Variants in KMT2A observed in about 807,000 individuals in gnomAD.
KMT2A encodes histone-lysine N-methyltransferase 2A.
Under a neutral mutation model 345.3 loss-of-function variants are expected in KMT2A, and 16 were observed. That is an observed-to-expected ratio of 0.05 (90% CI 0.03 to 0.07). The LOEUF is 0.07. Ranked by LOEUF, KMT2A falls within the 10% of genes least tolerant of loss-of-function variation. The pLI, the probability that KMT2A is intolerant of heterozygous loss-of-function variation, is 1.00. For missense variants in KMT2A, 3,272 were observed against 4,841.6 expected (o/e 0.68, Z 9.62); for synonymous variants, 1,599 against 1,778.6 (o/e 0.90, Z 2.54).
chr11:118,475,851 T>C (rs1197309767), intron 3 of KMT2A, among the ~76,000 whole-genome samples: 1 of 152,246 alleles, frequency 6.6e-6, no homozygotes, highest in African/African-American at 2.4e-5. Context: ...TGGATGTTTT[T>C]GTGATAGGAG....
intron 28 of KMT2A, chr11:118,507,876 G>A: frequency 3.0e-6 from 1 of 338,662 alleles, no homozygotes; most frequent in African/African-American, 2.1e-5. Context: ...GGCAGGAGAA[G>A]GGCGTGAACC....
chr11:118,519,818 A>T (rs1430679374), intron 32 of KMT2A, 26 bp downstream of exon 32: 1 of 1,604,650 alleles, frequency 6.2e-7, no homozygotes, highest in Non-Finnish European at 8.5e-7. Context: ...TTCTGTCAGC[A>T]GTTTTGGGTC....
At chr11:118,479,881 C>T (rs1555038728) in intron 5 of KMT2A, among the ~76,000 whole-genome samples, 1 of 152,142 alleles carries the variant, frequency 6.6e-6, no homozygotes, top group African/African-American at 2.4e-5. Flanking sequence ...ACAAGAAATA[C>T]TGACTGATCA....
chr11:118,444,532 G>A (rs1949377817), intron 1 of KMT2A, among the ~76,000 whole-genome samples: 1 of 152,182 alleles, frequency 6.6e-6, no homozygotes, highest in Non-Finnish European at 1.5e-5. Context: ...TAAACTGCCT[G>A]AGTTCAAATC....
At chr11:118,492,249 G>A (rs1950335730) in intron 15 of KMT2A, among the ~76,000 whole-genome samples, 1 of 152,226 alleles carries the variant, frequency 6.6e-6, no homozygotes, top group African/African-American at 2.4e-5. Context: ...TTCTGACTGA[G>A]TGGAGAGGAA....
In KMT2A at chr11:118,502,742, G is replaced by T. The variant is rs1447874882; in HGVS notation, c.6850G>T (p.Asp2284Tyr). The change falls in exon 27 of 36, where the codon GAT (aspartate) becomes TAT (tyrosine). Residue 2284 changes from aspartate to tyrosine, a missense_variant. This residue lies in a region of KMT2A where 445 missense variants were observed against 500.9 expected (regional missense o/e 0.89). Coordinates refer to ENST00000534358, the MANE Select transcript of KMT2A (RefSeq NM_001197104.2). This position sits in a 1 kb window ranked among gnomAD's most constrained non-coding sequence, Gnocchi z 4.9. ...TGTAGGCAATAAAAACAGTCACTTG[G>T]ATGGATCTTCATCTTCAGAAATGAA... ...VTVGNKNSHL[D>Y]GSSSSEMKQS... The T allele has an allele frequency of 2.5e-6, 4 of 1,614,120 alleles. No individual in the cohort carries two copies. Among genetic ancestry groups the T allele is most frequent in the African/African-American group, 1.3e-5 (1 of 75,036 alleles).
intron 1 of KMT2A, among the ~76,000 whole-genome samples, chr11:118,461,536 G>A (rs991076682): frequency 2.5e-4 from 38 of 152,176 alleles, no homozygotes; most frequent in African/African-American, 8.4e-4. Flanking sequence ...AAGGACATCA[G>A]TGTCAGCAAG....
intron 2 of KMT2A, among the ~76,000 whole-genome samples, chr11:118,469,776 G>A (rs782585423): frequency 1.3e-5 from 2 of 152,182 alleles, no homozygotes; most frequent in Admixed American, 1.3e-4. Flanking sequence ...CTTGTGATGT[G>A]TGCTAGCATT....
At chr11:118,467,451 C>G (rs1349426268) in intron 1 of KMT2A, among the ~76,000 whole-genome samples, 1 of 152,014 alleles carries the variant, frequency 6.6e-6, no homozygotes, top group Non-Finnish European at 1.5e-5. Flanking sequence ...CTTAAATAGT[C>G]CAATACTTTA....
rs1950674076 is a variant in KMT2A at position 118,510,896 on chromosome 11, A to C, written c.11071+778A>C. Among the ~76,000 whole-genome samples the C allele has an allele frequency of 6.6e-6, 1 of 152,222 alleles. No homozygotes were observed. The highest frequency in any genetic ancestry group is 1.5e-5 in the Non-Finnish European group (1 of 68,030). On this transcript the variant is annotated intron_variant, in intron 30 of 35. Coordinates refer to ENST00000534358, the MANE Select transcript of KMT2A (RefSeq NM_001197104.2). This position sits in a 1 kb window ranked among gnomAD's most constrained non-coding sequence, Gnocchi z 4.1. ...TGGAATTTGGGTTAGGCAAAGAAGA[A>C]TGCAGGGCTCTCTAGGAAGAAGAAG... is the stretch of plus-strand genomic sequence containing the variant.
rs782088770 is a variant in KMT2A at position 118,522,089 on chromosome 11, G to A, written c.11836G>A (p.Asp3946Asn). 2.5e-6 allele frequency: 4 copies of A among 1,614,214 alleles called. No homozygotes were observed. Among genetic ancestry groups the A allele is most frequent in the South Asian group, 1.1e-5 (1 of 91,082 alleles). Residue 3946 changes from aspartate (D) to asparagine (N), a missense_variant, in exon 36 of 36, where the codon GAC becomes AAC. Physicochemically the swap from Asp to Asn is conservative, Grantham distance 23. This residue lies in a region of KMT2A where 78 missense variants were observed against 254.5 expected (regional missense o/e 0.31). Coordinates refer to ENST00000534358, the MANE Select transcript of KMT2A (RefSeq NM_001197104.2). This position sits in a 1 kb window ranked among gnomAD's most constrained non-coding sequence, Gnocchi z 5.4. ...KIYRGEELTY[D>N]YKFPIEDASN... ...CTACCGAGGAGAGGAACTCACTTAC[G>A]ACTATAAGTTCCCCATTGAGGATGC...
Position 118,498,198 on chromosome 11 carries a change from A to G in KMT2A, c.5802+125A>G. 8.6e-7 allele frequency: 1 copy of G among 1,163,650 alleles called. No homozygotes were observed. The highest frequency in any genetic ancestry group is 1.2e-6 in the Non-Finnish European group (1 of 810,616). The allele number at this position is 1,163,650 out of a possible 1,614,324, so 72.1% of individuals were successfully genotyped here. A position where few individuals can be genotyped will look rare whatever the true frequency, so the allele number is the denominator to read the frequency against. ...CCATCAGGGTAGTTAGCCAACAAGTATTGATATACATAATTCAACAGATAA... is the reference window on the plus strand; with the variant it reads ...CCATCAGGGTAGTTAGCCAACAAGTGTTGATATACATAATTCAACAGATAA... On this transcript the variant is annotated intron_variant, in intron 21 of 35. Coordinates refer to ENST00000534358, the MANE Select transcript of KMT2A (RefSeq NM_001197104.2). This position sits in a 1 kb window ranked among gnomAD's most constrained non-coding sequence, Gnocchi z 4.4.
Position 118,498,022 on chromosome 11 carries a change from T to C in KMT2A, c.5751T>C (p.Asp1917=). ...ALWSAEVFED[D]DGSLKNVHMA... is the part of the protein sequence containing the mutation. Reference sequence around the variant, plus strand: ...GGTCAGCGGAAGTGTTTGAAGATGATGACGGATCACTAAAGAATGTGCATA... The same window carrying C: ...GGTCAGCGGAAGTGTTTGAAGATGACGACGGATCACTAAAGAATGTGCATA... Residue 1917 remains aspartate (D), a synonymous_variant, in exon 21 of 36, where the codon GAT becomes GAC. Coordinates refer to ENST00000534358, the MANE Select transcript of KMT2A (RefSeq NM_001197104.2). The surrounding 1 kb of genome is among the most constrained non-coding windows in gnomAD (Gnocchi z 4.4). 1 of 1,614,150 alleles carries C rather than the reference T, an allele frequency of 6.2e-7. No homozygotes were observed. The highest frequency in any genetic ancestry group is 8.5e-7 in the Non-Finnish European group (1 of 1,180,018).
rs1555043102 is a variant in KMT2A at position 118,493,223 on chromosome 11, C to G, written c.5171C>G (p.Thr1724Arg). ...VKRKMDQGNY[T>R]SVLEFSDDIV... is the part of the protein sequence containing the mutation. ...AGGAAGATGGACCAAGGGAATTACACATCTGTGGTATGTTTCTACAGTGAG... is the reference window on the plus strand; with the variant it reads ...AGGAAGATGGACCAAGGGAATTACAGATCTGTGGTATGTTTCTACAGTGAG... The change falls in exon 16 of 36, where the codon ACA becomes AGA. Residue 1724 changes from threonine to arginine, a missense_variant. Thr to Arg is a moderately conservative substitution (Grantham distance 71). Coordinates refer to ENST00000534358, the MANE Select transcript of KMT2A (RefSeq NM_001197104.2). This position sits in a 1 kb window ranked among gnomAD's most constrained non-coding sequence, Gnocchi z 5.8. 1.2e-6 allele frequency: 2 copies of G among 1,613,744 alleles called. No homozygotes were observed. The highest frequency in any genetic ancestry group is 1.7e-6 in the Non-Finnish European group (2 of 1,179,772).
intron 2 of KMT2A, among the ~76,000 whole-genome samples, chr11:118,471,444 G>C (rs1433242444): frequency 6.6e-6 from 1 of 152,160 alleles, no homozygotes; most frequent in Non-Finnish European, 1.5e-5. Context: ...TATCAAAAAA[G>C]TAATTAAATG....
chr11:118,475,937 C>T (rs1950029958), intron 3 of KMT2A, among the ~76,000 whole-genome samples: 1 of 152,008 alleles, frequency 6.6e-6, no homozygotes. Flanking sequence ...CGGAATTTCG[C>T]TCTTGTTGCC....
intron 1 of KMT2A, among the ~76,000 whole-genome samples, chr11:118,442,809 C>T (rs1425249624): frequency 1.3e-5 from 2 of 152,122 alleles, no homozygotes; most frequent in African/African-American, 2.4e-5. Flanking sequence ...AGTAGTTTGA[C>T]TTTAGTTTCC....
chr11:118,479,116 A>G (rs1555038534), intron 5 of KMT2A, among the ~76,000 whole-genome samples: 1 of 152,184 alleles, frequency 6.6e-6, no homozygotes, highest in Non-Finnish European at 1.5e-5. Context: ...ATACTCTTTC[A>G]GTCATTTTTA....
chr11:118,518,970 C>T (rs781989219), intron 31 of KMT2A, among the ~76,000 whole-genome samples: 5 of 120,472 alleles, frequency 4.2e-5, no homozygotes, highest in Non-Finnish European at 4.8e-5. Context: ...CCCAGCTACT[C>T]GGGAGGCTGA....
Sources: allele counts gnomAD v4.1 joint callset (sites outside exome capture counted in the v4.1 genomes callset), GRCh38; gene constraint gnomAD v4.1.1; regional missense constraint gnomAD v4.1.1; non-coding constraint Gnocchi (gnomAD v3.1); transcripts MANE v1.5; gene names NCBI Gene and HGNC (gene_info 2026-07-23, HGNC 2026-07-21).